HTR3B: variants seen among roughly 807,000 people sequenced by gnomAD.
The protein encoded by HTR3B is 5-hydroxytryptamine receptor 3B.
HTR3B carries 44 observed loss-of-function variants against 42.8 expected under a neutral mutation model. The observed-to-expected ratio is 1.03, with a 90% CI of 0.81 to 1.32. The LOEUF is 1.32. Ranked by LOEUF, HTR3B falls within the 40% of genes most tolerant of loss-of-function variation. The pLI is 0.00. For synonymous variants in HTR3B, 203 were observed against 209.0 expected, an observed-to-expected ratio of 0.97 and a Z score of 0.25; for missense variants, 527 against 536.5, an observed-to-expected ratio of 0.98 and a Z score of 0.17.
At chr11:113,930,718 G>A (rs1950026083) in intron 2 of HTR3B, among the ~76,000 whole-genome samples, 1 of 151,964 alleles carries the variant, frequency 6.6e-6, no homozygotes, top group Admixed American at 6.6e-5. Context: ...TCAAACTCCG[G>A]GGCTCAGGCA....
intron 6 of HTR3B, among the ~76,000 whole-genome samples, chr11:113,938,501 CTGCCTGAT>C (rs374279180): frequency 2.5e-3 from 382 of 152,280 alleles, no homozygotes; most frequent in African/African-American, 8.9e-3. Flanking sequence ...CCAGAATCTG[CTGCCTGAT>C]CCTACAAGAT....
intron 1 of HTR3B, among the ~76,000 whole-genome samples, 194 bp downstream of exon 1, chr11:113,905,179 G>T (rs949405731): frequency 6.6e-6 from 1 of 151,814 alleles, no homozygotes; most frequent in Admixed American, 6.6e-5. Flanking sequence ...TTGCAAATAC[G>T]TATACATATA....
intron 2 of HTR3B, among the ~76,000 whole-genome samples, chr11:113,915,056 T>C (rs1591572643): frequency 6.6e-6 from 1 of 152,224 alleles, no homozygotes; most frequent in South Asian, 2.1e-4. Context: ...TTCATGCCCA[T>C]AAGATCTCTA....
In HTR3B at chr11:113,909,370, A is replaced by G. The variant is rs1232536226; in HGVS notation, c.128A>G (p.Tyr43Cys). Residue 43 changes from tyrosine (Y) to cysteine (C), a missense_variant, in exon 2 of 9, where the codon TAT becomes TGT. Physicochemically the swap from Tyr to Cys is radical, Grantham distance 194. Transcript: ENST00000260191. ...YHLSKQLLQKYHKEVRPVYNW... is the reference protein window; with the variant it reads ...YHLSKQLLQKCHKEVRPVYNW... ...CTCAGCAAGCAGCTATTACAGAAAT[A>G]TCATAAAGAAGTGAGACCTGTTTAC... The G allele has an allele frequency of 1.9e-6, 3 of 1,613,710 alleles. No individual in the cohort carries two copies. The highest frequency in any genetic ancestry group is 2.5e-6 in the Non-Finnish European group (3 of 1,179,598).
chr11:113,923,173 A>G (rs1347070238), intron 2 of HTR3B, among the ~76,000 whole-genome samples: 1 of 152,206 alleles, frequency 6.6e-6, no homozygotes, highest in Non-Finnish European at 1.5e-5. Context: ...GGACTTGATA[A>G]AAATCACTCA....
chr11:113,935,335 T>C (rs1950082587), intron 6 of HTR3B, among the ~76,000 whole-genome samples: 1 of 151,996 alleles, frequency 6.6e-6, no homozygotes, highest in Admixed American at 6.5e-5. Flanking sequence ...TTTGATTTCA[T>C]GCTCTTGGAA....
chr11:113,908,501 G>C (rs1366060008), intron 1 of HTR3B, among the ~76,000 whole-genome samples: 1 of 152,218 alleles, frequency 6.6e-6, no homozygotes, highest in Non-Finnish European at 1.5e-5. Flanking sequence ...GGCTGGCAAA[G>C]CTTGTGAACA....
chr11:113,912,854 T>G (rs1180775830), intron 2 of HTR3B, among the ~76,000 whole-genome samples: 1 of 151,878 alleles, frequency 6.6e-6, no homozygotes, highest in African/African-American at 2.4e-5. Context: ...CTTTGTGAAG[T>G]GCCCATTTAA....
rs1255052065 is a variant in HTR3B at position 113,932,982 on chromosome 11, G to C, written c.585G>C (p.Gln195His). 6.2e-7 allele frequency: 1 copy of C among 1,614,006 alleles called. No homozygotes were observed. Among genetic ancestry groups the C allele is most frequent in the African/African-American group, 1.3e-5 (1 of 74,902 alleles). ...TTCTGAGGAGCCCAGAAGACATTCA[G>C]CATGACAAAAAGGCGTTTTTGAATG... ...LAFLRSPEDI[Q>H]HDKKAFLNDS... The change falls in exon 6 of 9, where the codon CAG (glutamine) becomes CAC (histidine). Residue 195 changes from glutamine (Q) to histidine (H), a missense_variant. Coordinates refer to ENST00000260191, the MANE Select transcript of HTR3B (RefSeq NM_006028.5).
At chr11:113,933,278 A>G (rs1950056428) in intron 6 of HTR3B, among the ~76,000 whole-genome samples, 185 bp downstream of exon 6, 1 of 152,080 alleles carries the variant, frequency 6.6e-6, no homozygotes, top group African/African-American at 2.4e-5. Context: ...TCAGTGGGAG[A>G]TGCTGGGCCC....
intron 2 of HTR3B, among the ~76,000 whole-genome samples, chr11:113,910,949 C>T (rs1417977569): frequency 2.0e-5 from 3 of 150,876 alleles, no homozygotes; most frequent in South Asian, 2.1e-4. Context: ...GCCTCAGCCT[C>T]CCGAGTAGCT....
intron 2 of HTR3B, among the ~76,000 whole-genome samples, chr11:113,914,042 T>C (rs1318294580): frequency 6.8e-6 from 1 of 146,122 alleles, no homozygotes; most frequent in Non-Finnish European, 1.5e-5. Flanking sequence ...GTGAAAAATA[T>C]ATTTTTTTTT....
chr11:113,945,718 G>A lies in HTR3B; in HGVS notation c.1091-184G>A, dbSNP rs567036936. Reference sequence around the variant, plus strand: ...ATAACAGCTCTGACGTGTTCTCTGAGGCTTCCTGCAGTACAACTTTGCCTC... The same window carrying A: ...ATAACAGCTCTGACGTGTTCTCTGAAGCTTCCTGCAGTACAACTTTGCCTC... On this transcript the variant is annotated intron_variant, in intron 8 of 8. Transcript: ENST00000260191. 8.1e-4 allele frequency among the ~76,000 whole-genome samples: 124 copies of A among 152,282 alleles called. 3 individuals are homozygous for A. In the South Asian group the frequency reaches 0.025, roughly 30 times the overall value.
chr11:113,921,524 C>A (rs1430973117), intron 2 of HTR3B, among the ~76,000 whole-genome samples: 1 of 151,040 alleles, frequency 6.6e-6, no homozygotes, highest in Non-Finnish European at 1.5e-5. Flanking sequence ...GAGGCTGAGG[C>A]AGGAGAATCG....
chr11:113,936,263 G>A (rs942533240), intron 6 of HTR3B, among the ~76,000 whole-genome samples: 5 of 152,106 alleles, frequency 3.3e-5, no homozygotes, highest in African/African-American at 1.2e-4. Flanking sequence ...AGGAACTCGT[G>A]TTGGATGGAA....
chr11:113,915,654 T>C (rs1949844751), intron 2 of HTR3B, among the ~76,000 whole-genome samples: 1 of 152,186 alleles, frequency 6.6e-6, no homozygotes, highest in Non-Finnish European at 1.5e-5. Flanking sequence ...TTTGCATATG[T>C]TTTTCTTTCT....
intron 7 of HTR3B, 31 bp from the exon 8 acceptor site, chr11:113,944,542 G>C (rs755907952): frequency 1.6e-5 from 26 of 1,603,598 alleles, no homozygotes; most frequent in Non-Finnish European, 2.2e-5. Context: ...TCAGACTGGA[G>C]GCTAACTGCA....
At chr11:113,928,737 A>G (rs567381050) in intron 2 of HTR3B, among the ~76,000 whole-genome samples, 5 of 152,288 alleles carry the variant, frequency 3.3e-5, no homozygotes, top group South Asian at 2.1e-4. Flanking sequence ...GGGTTTCACC[A>G]TGATGGCTAA....
chr11:113,901,835 A>T (rs945873034), upstream of HTR3B, among the ~76,000 whole-genome samples: 1 of 152,246 alleles, frequency 6.6e-6, no homozygotes, highest in Non-Finnish European at 1.5e-5. Flanking sequence ...ACTACAATGC[A>T]TGGCAAGAAT....
Sources: allele counts gnomAD v4.1 joint callset (sites outside exome capture counted in the v4.1 genomes callset), GRCh38; gene constraint gnomAD v4.1.1; transcripts MANE v1.5; gene names NCBI Gene and HGNC (gene_info 2026-07-23, HGNC 2026-07-21).